TMEM232: variants seen among roughly 807,000 people sequenced by gnomAD.
TMEM232 encodes transmembrane protein 232.
In TMEM232, 80 loss-of-function variants were observed where a neutral mutation model predicts 78.8. That is an observed-to-expected ratio of 1.01 (90% CI 0.85 to 1.22). TMEM232 has a LOEUF of 1.22. Among genes scored for constraint, TMEM232 ranks in the 50% most tolerant of loss-of-function variants. The probability of loss-of-function intolerance (pLI) is 0.00; values close to 1 mark genes in which losing one functional copy is unlikely to be tolerated. For missense variants in TMEM232, 881 were observed against 742.2 expected, an observed-to-expected ratio of 1.19 and a Z score of -2.17; for synonymous variants, 297 against 254.3, an observed-to-expected ratio of 1.17 and a Z score of -1.60.
intron 10 of TMEM232, among the ~76,000 whole-genome samples, chr5:110,576,555 C>CA (rs997946949): frequency 2.6e-5 from 4 of 151,938 alleles, no homozygotes; most frequent in South Asian, 2.1e-4. Context: ...GGAATAACAA[C>CA]AAAAAAAGCC....
chr5:110,508,858 AT>A (rs1767289891), intron 12 of TMEM232, among the ~76,000 whole-genome samples: 2 of 145,312 alleles, frequency 1.4e-5, no homozygotes, highest in Non-Finnish European at 3.0e-5. Flanking sequence ...ATAATTATAT[AT>A]ATATATACAC....
At chr5:110,406,265 T>TACACACACAC (rs70999966) in intron 2 of TMEM232, among the ~76,000 whole-genome samples, 3,493 of 143,594 alleles carry the variant, frequency 0.024, 64 homozygotes, top group South Asian at 0.051. Flanking sequence ...CAGATATATA[T>TACACACACAC]ACACACACAC....
intron 2 of TMEM232, among the ~76,000 whole-genome samples, chr5:110,656,877 G>A (rs1236776725): frequency 6.6e-6 from 1 of 151,538 alleles, no homozygotes; most frequent in Non-Finnish European, 1.5e-5. Context: ...AATCATTAGA[G>A]TTAATATTTT....
At chr5:110,460,914 G>C (rs1225276996) in intron 12 of TMEM232, among the ~76,000 whole-genome samples, 1 of 152,018 alleles carries the variant, frequency 6.6e-6, no homozygotes, top group Non-Finnish European at 1.5e-5. Flanking sequence ...GGCAAACTCA[G>C]ATACACATTG....
chr5:110,412,370 T>C (rs1561462236), intron 2 of TMEM232, among the ~76,000 whole-genome samples: 1 of 152,212 alleles, frequency 6.6e-6, no homozygotes, highest in Non-Finnish European at 1.5e-5. Flanking sequence ...GCCATTGATA[T>C]GCCAACTGTA....
chr5:110,573,156 T>C (rs1376387362), intron 10 of TMEM232, among the ~76,000 whole-genome samples: 1 of 152,104 alleles, frequency 6.6e-6, no homozygotes, highest in Non-Finnish European at 1.5e-5. Context: ...ATATTATGCC[T>C]TTTCTTTTTA....
intron 12 of TMEM232, among the ~76,000 whole-genome samples, chr5:110,474,247 C>A (rs371827420): frequency 5.3e-5 from 8 of 151,712 alleles, no homozygotes; most frequent in African/African-American, 1.9e-4. Context: ...ACATGGTACC[C>A]CATAAATATG....
chr5:110,699,948 A>G (rs975532127), intron 1 of TMEM232, among the ~76,000 whole-genome samples: 6 of 152,106 alleles, frequency 3.9e-5, no homozygotes, highest in Admixed American at 6.6e-5. Context: ...AAGAAATTCA[A>G]TCTAACCACC....
At chr5:110,693,834 T>G (rs185142147) in intron 1 of TMEM232, among the ~76,000 whole-genome samples, 22 of 152,318 alleles carry the variant, frequency 1.4e-4, no homozygotes, top group African/African-American at 5.1e-4. Context: ...CTGATTGGTG[T>G]ACCTGAAAGT....
intron 12 of TMEM232, among the ~76,000 whole-genome samples, chr5:110,427,442 A>G (rs1757363331): frequency 6.6e-6 from 1 of 151,988 alleles, no homozygotes; most frequent in Non-Finnish European, 1.5e-5. Flanking sequence ...ATGGAGGACT[A>G]GACAATTTTG....
chr5:110,727,336 G>A (rs1419244529), upstream of TMEM232, among the ~76,000 whole-genome samples: 1 of 152,214 alleles, frequency 6.6e-6, no homozygotes, highest in Non-Finnish European at 1.5e-5. Flanking sequence ...CGTAGGCCGG[G>A]CGCAGTGGCT....
At chr5:110,462,998 G>A (rs935615080) in intron 12 of TMEM232, among the ~76,000 whole-genome samples, 7 of 152,086 alleles carry the variant, frequency 4.6e-5, no homozygotes, top group African/African-American at 9.7e-5. Flanking sequence ...ATGCAAAAAC[G>A]GATTTAAATA....
At chr5:110,594,829 G>C (rs1324799215) in intron 10 of TMEM232, among the ~76,000 whole-genome samples, 3 of 152,158 alleles carry the variant, frequency 2.0e-5, no homozygotes, top group Non-Finnish European at 4.4e-5. Flanking sequence ...GGACAGAAAG[G>C]GTAGCTATTG....
At chr5:110,583,112 C>T (rs186590544) in intron 10 of TMEM232, among the ~76,000 whole-genome samples, 3 of 152,008 alleles carry the variant, frequency 2.0e-5, no homozygotes, top group Admixed American at 2.0e-4. Flanking sequence ...CTGTCTCCAT[C>T]AAAATCTCAA....
intron 10 of TMEM232, among the ~76,000 whole-genome samples, chr5:110,587,687 ATATATGTGTG>A (rs1159328586): frequency 0.014 from 1,086 of 77,900 alleles, 9 homozygotes; most frequent in African/African-American, 0.059. Context: ...ATATATATAT[ATATATGTGTG>A]TGTGTGTGTG....
intron 2 of TMEM232, among the ~76,000 whole-genome samples, chr5:110,652,294 G>GCGCGCACACACACACACA (rs1554069154): frequency 0.011 from 1,568 of 145,418 alleles, 10 homozygotes; most frequent in African/African-American, 0.016. Flanking sequence ...GCACGCGCGC[G>GCGCGCACACACACACACA]CACACACACA....
chr5:110,713,710 T>G (rs1421148141), intron 1 of TMEM232, among the ~76,000 whole-genome samples: 1 of 152,066 alleles, frequency 6.6e-6, no homozygotes, highest in Admixed American at 6.6e-5. Context: ...CCACGAGATC[T>G]ATGGAGAAAA....
At chr5:110,609,025 A>C (rs892982863) in intron 8 of TMEM232, among the ~76,000 whole-genome samples, 15 of 152,096 alleles carry the variant, frequency 9.9e-5, no homozygotes, top group African/African-American at 3.6e-4. Flanking sequence ...ATATACATAC[A>C]CACATGCACA....
intron 13 of TMEM232, 105 bp from the exon 14 acceptor site, chr5:110,420,861 T>G (rs1012037123): frequency 2.8e-6 from 4 of 1,410,664 alleles, no homozygotes; most frequent in Non-Finnish European, 3.7e-6. Context: ...CCTTTCAGGT[T>G]TTTTCCATGA....
Sources: allele counts gnomAD v4.1 joint callset (sites outside exome capture counted in the v4.1 genomes callset), GRCh38; gene constraint gnomAD v4.1.1; transcripts MANE v1.5; gene names NCBI Gene and HGNC (gene_info 2026-07-23, HGNC 2026-07-21).